The following GPD2 variants were observed in gnomAD, a reference collection of about 807,000 sequenced individuals.
GPD2 encodes the protein glycerol-3-phosphate dehydrogenase, mitochondrial.
In GPD2, 54 loss-of-function variants were observed where a neutral mutation model predicts 82.4. The observed-to-expected ratio is 0.66, with a 90% confidence interval of 0.53 to 0.82. GPD2 has a LOEUF of 0.82. GPD2 is among the 40% of genes least tolerant of loss of function. The pLI is 0.00. For synonymous variants in GPD2, 288 were observed against 306.1 expected (o/e 0.94, Z 0.62); for missense variants, 748 against 896.2 (o/e 0.83, Z 2.11).
chr2:156,493,378 A>G (rs141277634), intron 2 of GPD2, among the ~76,000 whole-genome samples: 134 of 152,280 alleles, frequency 8.8e-4, no homozygotes, highest in African/African-American at 3.1e-3. Context: ...GAAAAAAAAC[A>G]AGATTTACAG....
intron 1 of GPD2, among the ~76,000 whole-genome samples, chr2:156,447,674 CAA>C (rs1424877377): frequency 6.6e-6 from 1 of 152,138 alleles, no homozygotes; most frequent in African/African-American, 2.4e-5. Flanking sequence ...ACTGACAAAT[CAA>C]TGAGATTTTA....
Position 156,446,670 on chromosome 2 carries a change from G to A in GPD2, c.-9+10157G>A, listed in dbSNP as rs190901782. On this transcript the variant is annotated intron_variant, in intron 1 of 16. Coordinates refer to ENST00000438166, the MANE Select transcript of GPD2 (RefSeq NM_000408.5). ...GCTCACTGCAACCTCTGCCTCCTGGGTTTAAGCCTCAGCCTCCAGAGTAGC... is the reference window on the plus strand; with the variant it reads ...GCTCACTGCAACCTCTGCCTCCTGGATTTAAGCCTCAGCCTCCAGAGTAGC... Among the ~76,000 whole-genome samples, 17 of 151,410 alleles carry A rather than the reference G, an allele frequency of 1.1e-4. No homozygotes were observed. In the East Asian group the frequency reaches 3.1e-3, roughly 28 times the overall value.
chr2:156,527,435 C>G (rs1254670125), intron 6 of GPD2, among the ~76,000 whole-genome samples: 1 of 152,068 alleles, frequency 6.6e-6, no homozygotes, highest in East Asian at 1.9e-4. Flanking sequence ...GTAAAACCCT[C>G]TGTAGATCAT....
At chr2:156,572,741 G>C (rs1574015461) in intron 13 of GPD2, among the ~76,000 whole-genome samples, 1 of 152,200 alleles carries the variant, frequency 6.6e-6, no homozygotes, top group Non-Finnish European at 1.5e-5. Flanking sequence ...GAAAATAATA[G>C]CTAGTGAGGC....
intron 1 of GPD2, among the ~76,000 whole-genome samples, chr2:156,475,411 C>G (rs148317278): frequency 0.041 from 6,227 of 152,176 alleles, 158 homozygotes; most frequent in Middle Eastern, 0.071. Flanking sequence ...TCACTGCAAC[C>G]TCTGCCTCCT....
At chr2:156,425,683 G>T in the GPD2 span, among the ~76,000 whole-genome samples, 1 of 152,100 alleles carries the variant, frequency 6.6e-6, no homozygotes, top group Middle Eastern at 3.2e-3. Context: ...TTGATACAAG[G>T]TTAAGGTCGA....
Position 156,512,330 on chromosome 2 carries a change from A to T in GPD2, c.497+13A>T. ...TTCCAGTTTACAAGTAAGCCTTTTG[A>T]TATCACCTGTATGCATTTGCTTCTC... On this transcript the variant is annotated intron_variant, in intron 5 of 16. Transcript: ENST00000438166. The T allele has an allele frequency of 8.0e-7, 1 of 1,255,000 alleles. No homozygotes were observed. Among genetic ancestry groups the T allele is most frequent in the Non-Finnish European group, 1.2e-6 (1 of 851,904 alleles). The allele number at this position is 1,255,000 out of a possible 1,614,324, so 77.7% of individuals were successfully genotyped here.
At chr2:156,508,600 C>T (rs1382567236) in intron 3 of GPD2, among the ~76,000 whole-genome samples, 1 of 152,144 alleles carries the variant, frequency 6.6e-6, no homozygotes, top group African/African-American at 2.4e-5. Flanking sequence ...TGTTTCCCTG[C>T]CTCTCATGGT....
chr2:156,528,707 C>G (rs1187242111), intron 6 of GPD2, among the ~76,000 whole-genome samples: 2 of 150,528 alleles, frequency 1.3e-5, no homozygotes, highest in Admixed American at 6.7e-5. Flanking sequence ...TTTGTTCTTG[C>G]GATAGTTTAC....
At chr2:156,480,186 T>C (rs773178724) in intron 2 of GPD2, among the ~76,000 whole-genome samples, 1 of 152,106 alleles carries the variant, frequency 6.6e-6, no homozygotes, top group Non-Finnish European at 1.5e-5. Flanking sequence ...ATGGAGTAGA[T>C]GAAGAGGGAA....
At chr2:156,561,010 T>C (rs570327519) in intron 9 of GPD2, among the ~76,000 whole-genome samples, 14 of 145,398 alleles carry the variant, frequency 9.6e-5, no homozygotes, top group African/African-American at 3.5e-4. Flanking sequence ...CACTTTCTAG[T>C]TGAAGAAACT....
chr2:156,520,269 C>T (rs1355986151), intron 6 of GPD2, among the ~76,000 whole-genome samples: 4 of 152,102 alleles, frequency 2.6e-5, no homozygotes, highest in African/African-American at 9.7e-5. Context: ...ATGAAGTTCT[C>T]ATTTAGGGCC....
At chr2:156,437,205 A>G (rs1681967901) in intron 1 of GPD2, among the ~76,000 whole-genome samples, 1 of 152,280 alleles carries the variant, frequency 6.6e-6, no homozygotes, top group Non-Finnish European at 1.5e-5. Flanking sequence ...CATAGGAGGC[A>G]GCTATAGAAA....
intron 6 of GPD2, among the ~76,000 whole-genome samples, chr2:156,540,549 G>T (rs1686268723): frequency 6.6e-6 from 1 of 152,184 alleles, no homozygotes; most frequent in Non-Finnish European, 1.5e-5. Context: ...TATTTAAGAG[G>T]TTAGAACTTG....
intron 2 of GPD2, among the ~76,000 whole-genome samples, chr2:156,481,717 C>G (rs1015544501): frequency 6.6e-6 from 1 of 151,628 alleles, no homozygotes; most frequent in African/African-American, 2.4e-5. Flanking sequence ...CTCCTGAGCT[C>G]AAGTTCACCC....
intron 6 of GPD2, among the ~76,000 whole-genome samples, chr2:156,531,608 G>A (rs1685863370): frequency 6.6e-6 from 1 of 152,188 alleles, no homozygotes; most frequent in Non-Finnish European, 1.5e-5. Context: ...ACCTGCATGT[G>A]GAGGCCACGA....
chr2:156,539,458 G>T (rs1686217917), intron 6 of GPD2, among the ~76,000 whole-genome samples: 1 of 152,132 alleles, frequency 6.6e-6, no homozygotes, highest in Non-Finnish European at 1.5e-5. Flanking sequence ...ATTCCTTTCA[G>T]ACAATCAGGA....
chr2:156,471,540 T>C (rs941049981), intron 1 of GPD2, among the ~76,000 whole-genome samples: 1 of 152,216 alleles, frequency 6.6e-6, no homozygotes, highest in African/African-American at 2.4e-5. Context: ...CCAAACGAGA[T>C]AACTATTTGT....
intron 6 of GPD2, among the ~76,000 whole-genome samples, chr2:156,517,639 G>A (rs1202852737): frequency 6.6e-6 from 1 of 152,190 alleles, no homozygotes; most frequent in African/African-American, 2.4e-5. Context: ...TGGTGACCAG[G>A]CCAACTTTCT....
Sources: gnomAD v4.1 joint callset for allele counts (sites outside exome capture counted in the v4.1 genomes callset) on GRCh38, gnomAD v4.1.1 for gene constraint, MANE v1.5 for transcripts, NCBI Gene and HGNC (gene_info 2026-07-23, HGNC 2026-07-21) for gene names.